Variants in ANO3 observed in about 807,000 individuals in gnomAD.
ANO3 encodes the protein anoctamin-3.
ANO3 carries 99 observed loss-of-function variants against 144.8 expected under a neutral mutation model. The ratio of observed to expected loss-of-function variants is 0.68; its 90% confidence interval spans 0.58 to 0.81. The LOEUF is 0.81. ANO3 is among the 30% of genes least tolerant of loss of function. The probability of loss-of-function intolerance (pLI) is 0.00; values close to 1 mark genes in which losing one functional copy is unlikely to be tolerated. For synonymous variants in ANO3, 414 were observed against 392.6 expected, an observed-to-expected ratio of 1.05 and a Z score of -0.64; for missense variants, 905 against 1,202.2, an observed-to-expected ratio of 0.75 and a Z score of 3.66.
chr11:26,634,950 C>G, intron 19 of ANO3, 63 bp from the exon 20 acceptor site: 1 of 1,363,556 alleles, frequency 7.3e-7, no homozygotes, highest in Non-Finnish European at 1.0e-6. Context: ...GTTGTGATGC[C>G]TAAGTAGATG....
intron 1 of ANO3, among the ~76,000 whole-genome samples, chr11:26,265,450 C>T (rs1417349687): frequency 6.6e-6 from 1 of 152,118 alleles, no homozygotes; most frequent in Admixed American, 6.5e-5. Context: ...CTAATAGATT[C>T]TACATTAACA....
Position 26,656,191 on chromosome 11 carries a change from A to G in ANO3, c.2643A>G (p.Lys881=). The G allele has an allele frequency of 6.2e-7, 1 of 1,613,472 alleles. No homozygotes were observed. The change falls in exon 25 of 27, where the codon AAA becomes AAG. Residue 881 remains lysine, a synonymous_variant. Coordinates refer to ENST00000256737, the MANE Select transcript of ANO3 (RefSeq NM_031418.4). ...ACCTGAGTGAGCTTGGTATGGGAAAATCTGGTTATTGCAGGTACTTATAAT... is the reference window on the plus strand; with the variant it reads ...ACCTGAGTGAGCTTGGTATGGGAAAGTCTGGTTATTGCAGGTACTTATAAT... ...FFDLSELGMG[K]SGYCRYRDYR... is the part of the protein sequence containing the mutation.
intron 1 of ANO3, among the ~76,000 whole-genome samples, chr11:26,415,215 GCC>G (rs1162353088): frequency 6.6e-6 from 1 of 151,950 alleles, no homozygotes; most frequent in Non-Finnish European, 1.5e-5. Context: ...ATGAAAAAAT[GCC>G]ATATATTAGA....
intron 1 of ANO3, among the ~76,000 whole-genome samples, chr11:26,229,856 C>A (rs1048758691): frequency 3.3e-5 from 5 of 152,060 alleles, no homozygotes; most frequent in Admixed American, 1.3e-4. Context: ...ATATATAAAG[C>A]CAGAATTGGA....
intron 1 of ANO3, among the ~76,000 whole-genome samples, chr11:26,423,332 A>G (rs1359799081): frequency 7.2e-6 from 1 of 138,408 alleles, no homozygotes; most frequent in Non-Finnish European, 1.6e-5. Context: ...TTTTTTAACA[A>G]TTTGTGCATC....
At chr11:26,443,199 A>G (rs953534440) in intron 2 of ANO3, among the ~76,000 whole-genome samples, 1 of 152,244 alleles carries the variant, frequency 6.6e-6, no homozygotes, top group African/African-American at 2.4e-5. Flanking sequence ...TGAAATCACT[A>G]CATATTGTAG....
intron 15 of ANO3, 56 bp from the exon 16 acceptor site, chr11:26,598,802 G>A (rs759224946): frequency 4.9e-5 from 76 of 1,557,060 alleles, no homozygotes; most frequent in Middle Eastern, 3.4e-4. Context: ...ATTCTTGGGG[G>A]TATGTTTTTT....
chr11:26,241,493 T>C (rs1331460393), intron 1 of ANO3, among the ~76,000 whole-genome samples: 4 of 152,202 alleles, frequency 2.6e-5, no homozygotes, highest in African/African-American at 9.6e-5. Flanking sequence ...CAACATATAC[T>C]TTATACCAAC....
At chr11:26,207,764 C>T (rs918125779) in intron 1 of ANO3, among the ~76,000 whole-genome samples, 1 of 152,028 alleles carries the variant, frequency 6.6e-6, no homozygotes, top group Non-Finnish European at 1.5e-5. Flanking sequence ...CTTTTTAATA[C>T]GTTTTGTAAT....
In ANO3 at chr11:26,277,422, A is replaced by G. The variant is rs185089287; in HGVS notation, c.155-32223A>G. On this transcript the variant is annotated intron_variant, in intron 1 of 27. Coordinates refer to the ANO3 transcript ENST00000672621. ...AGGATGTCTGAATTCTCATATTGTC[A>G]TCTTACCTCCCTATTAAGAATCCTT... 4.6e-5 allele frequency among the ~76,000 whole-genome samples: 7 copies of G among 152,232 alleles called. No individual in the cohort carries two copies. In the East Asian group the frequency reaches 1.4e-3, roughly 29 times the overall value.
upstream of ANO3, among the ~76,000 whole-genome samples, chr11:26,328,276 A>G (rs1435402005): frequency 1.3e-5 from 2 of 152,168 alleles, no homozygotes; most frequent in African/African-American, 4.8e-5. Context: ...TAGGGAGAAA[A>G]TTGTTAAATT....
chr11:26,525,775 AG>A (rs1169531579), intron 7 of ANO3, 96 bp downstream of exon 7: 2 of 871,378 alleles, frequency 2.3e-6, no homozygotes, highest in African/African-American at 1.8e-5. Context: ...TGTAAATCAT[AG>A]GAAGAAAAAT....
chr11:26,216,838 G>A (rs563441598), intron 1 of ANO3, among the ~76,000 whole-genome samples: 149 of 152,058 alleles, frequency 9.8e-4, no homozygotes, highest in African/African-American at 3.4e-3. Flanking sequence ...GAAATATTTT[G>A]TATTGATTTG....
intron 12 of ANO3, among the ~76,000 whole-genome samples, chr11:26,551,883 G>A (rs891264302): frequency 1.3e-5 from 2 of 151,936 alleles, no homozygotes; most frequent in South Asian, 4.1e-4. Context: ...AAGATGATGA[G>A]TGTGAAAGTA....
At chr11:26,617,064 C>A (rs1852283264) in intron 17 of ANO3, among the ~76,000 whole-genome samples, 3 of 152,300 alleles carry the variant, frequency 2.0e-5, no homozygotes, top group African/African-American at 7.2e-5. Flanking sequence ...AGCCACCGTG[C>A]CCGGCCCAAA....
At chr11:26,645,503 A>G (rs1853316131) in intron 23 of ANO3, among the ~76,000 whole-genome samples, 1 of 152,044 alleles carries the variant, frequency 6.6e-6, no homozygotes, top group Non-Finnish European at 1.5e-5. Context: ...CTTTTAATTA[A>G]TTTTACCCAT....
At chr11:26,604,810 T>C (rs1022368677) in intron 17 of ANO3, among the ~76,000 whole-genome samples, 2 of 152,180 alleles carry the variant, frequency 1.3e-5, no homozygotes, top group Non-Finnish European at 2.9e-5. Context: ...TTAAGGAGTT[T>C]TGGGGCTGAG....
chr11:26,315,289 A>G (rs1854595985), intron 1 of ANO3, among the ~76,000 whole-genome samples: 1 of 152,142 alleles, frequency 6.6e-6, no homozygotes, highest in Non-Finnish European at 1.5e-5. Flanking sequence ...GACTCCAGTG[A>G]TTTCCCCTCA....
In ANO3 at chr11:26,290,780, T is replaced by G. The variant is rs1404323049; in HGVS notation, c.155-18865T>G. ...TTGCACTATGGGCTGAGACACAGTT[T>G]GTTACAATTTCTGTTCTTTTACATT... On this transcript the variant is annotated intron_variant, in intron 1 of 27. Transcript: ENST00000672621. Among the ~76,000 whole-genome samples, 3 of 152,348 alleles carry G rather than the reference T, an allele frequency of 2.0e-5. No individual in the cohort carries two copies. The East Asian group carries it at 5.8e-4, about 29-fold the overall frequency.
Sources: gnomAD v4.1 joint callset for allele counts (sites outside exome capture counted in the v4.1 genomes callset) on GRCh38, gnomAD v4.1.1 for gene constraint, MANE v1.5 for transcripts, NCBI Gene and HGNC (gene_info 2026-07-23, HGNC 2026-07-21) for gene names.